Variants in CSMD3 observed in about 807,000 individuals in gnomAD.
CSMD3 encodes the protein CUB and sushi domain-containing protein 3.
CSMD3 carries 177 observed loss-of-function variants against 435.2 expected under a neutral mutation model. The observed-to-expected ratio is 0.41, with a 90% CI of 0.36 to 0.46. The LOEUF is 0.46. Ranked by LOEUF, CSMD3 falls within the 20% of genes least tolerant of loss-of-function variation. The pLI is 0.34. For synonymous variants in CSMD3, 1,656 were observed against 1,520.5 expected (o/e 1.09, Z -2.07); for missense variants, 4,265 against 4,504.6 (o/e 0.95, Z 1.52).
At chr8:112,529,144 C>G (rs1586608243) in intron 27 of CSMD3, among the ~76,000 whole-genome samples, 1 of 152,104 alleles carries the variant, frequency 6.6e-6, no homozygotes, top group East Asian at 1.9e-4. Flanking sequence ...ATCTAAGCAT[C>G]CAATGCCCCA....
At chr8:112,424,474 T>A (rs752129170) in intron 32 of CSMD3, among the ~76,000 whole-genome samples, 11 of 152,184 alleles carry the variant, frequency 7.2e-5, no homozygotes, top group Non-Finnish European at 1.6e-4. Context: ...CCATGGTAAC[T>A]CACTTCAAAA....
chr8:113,030,417 TAA>T (rs35890606), intron 5 of CSMD3, among the ~76,000 whole-genome samples: 15 of 24,356 alleles, frequency 6.2e-4, no homozygotes, highest in Non-Finnish European at 7.5e-4. Flanking sequence ...TTGGTACTGG[TAA>T]AAAAAAAAAA....
chr8:113,234,128 T>A (rs2093121428), intron 3 of CSMD3, among the ~76,000 whole-genome samples: 1 of 152,136 alleles, frequency 6.6e-6, no homozygotes, highest in Admixed American at 6.6e-5. Context: ...GTCAATGTTG[T>A]TGCTCAGAAG....
intron 38 of CSMD3, among the ~76,000 whole-genome samples, chr8:112,370,395 A>C (rs2131175419): frequency 6.6e-6 from 1 of 152,366 alleles, no homozygotes; most frequent in African/African-American, 2.4e-5. Context: ...AATACCTTGT[A>C]AATCAGAGCA....
At chr8:113,279,112 A>G (rs2093593648) in intron 2 of CSMD3, among the ~76,000 whole-genome samples, 1 of 151,520 alleles carries the variant, frequency 6.6e-6, no homozygotes, top group Middle Eastern at 3.2e-3. Flanking sequence ...TAAAATGAGT[A>G]CATTCAGAAC....
At chr8:113,083,465 C>T (rs1032764626) in intron 5 of CSMD3, among the ~76,000 whole-genome samples, 1 of 151,904 alleles carries the variant, frequency 6.6e-6, no homozygotes, top group African/African-American at 2.4e-5. Flanking sequence ...CAAGCAGAAA[C>T]TCAGGAAATT....
chr8:113,061,072 T>C (rs2088592172), intron 5 of CSMD3, among the ~76,000 whole-genome samples: 1 of 152,110 alleles, frequency 6.6e-6, no homozygotes, highest in African/African-American at 2.4e-5. Context: ...TTGTCATCCT[T>C]CTTAGCTTCT....
At chr8:112,834,437 A>G (rs2079965673) in intron 11 of CSMD3, among the ~76,000 whole-genome samples, 1 of 151,864 alleles carries the variant, frequency 6.6e-6, no homozygotes, top group African/African-American at 2.4e-5. Flanking sequence ...ATTTGAAGCC[A>G]TTAATATAAG....
At chr8:113,300,523 T>C (rs1216329427) in intron 2 of CSMD3, among the ~76,000 whole-genome samples, 1 of 152,152 alleles carries the variant, frequency 6.6e-6, no homozygotes, top group Admixed American at 6.6e-5. Context: ...AAGAATGAAA[T>C]CATGTTCTTT....
chr8:112,371,528 C>T (rs1462860799), intron 38 of CSMD3, among the ~76,000 whole-genome samples: 1 of 152,080 alleles, frequency 6.6e-6, no homozygotes, highest in East Asian at 1.9e-4. Context: ...TGACTTCCAG[C>T]CCCCAGTCTT....
intron 13 of CSMD3, among the ~76,000 whole-genome samples, chr8:112,747,657 G>C (rs1292138529): frequency 1.3e-5 from 2 of 152,092 alleles, no homozygotes; most frequent in Non-Finnish European, 2.9e-5. Flanking sequence ...AATAAACATG[G>C]CTGTGTCTCT....
intron 32 of CSMD3, among the ~76,000 whole-genome samples, chr8:112,413,596 C>T (rs1251701517): frequency 1.3e-5 from 2 of 152,150 alleles, no homozygotes; most frequent in African/African-American, 2.4e-5. Context: ...ACCCTGAAAG[C>T]ATCACTGTGG....
chr8:112,794,503 C>T (rs1260559391), intron 13 of CSMD3, among the ~76,000 whole-genome samples: 1 of 151,770 alleles, frequency 6.6e-6, no homozygotes, highest in Non-Finnish European at 1.5e-5. Context: ...CCATGTTGGC[C>T]AGGCTGGTCT....
intron 22 of CSMD3, among the ~76,000 whole-genome samples, chr8:112,595,235 C>T (rs1482288621): frequency 1.1e-4 from 16 of 151,570 alleles, no homozygotes; most frequent in South Asian, 4.2e-4. Context: ...CCTCAGGAGT[C>T]GATGCGATCA....
intron 10 of CSMD3, among the ~76,000 whole-genome samples, chr8:112,881,627 G>A (rs1380140): frequency 0.75 from 113,847 of 151,888 alleles, 43,462 homozygotes; most frequent in East Asian, 0.93. Context: ...TTATTTTACT[G>A]AAGGGCTTAA....
At chr8:112,435,603 T>C (rs1283922329) in intron 32 of CSMD3, among the ~76,000 whole-genome samples, 1 of 152,074 alleles carries the variant, frequency 6.6e-6, no homozygotes, top group East Asian at 1.9e-4. Flanking sequence ...TGGAAACTAA[T>C]GAACTTGGGT....
At chr8:112,644,499 T>C (rs1227884585) in intron 20 of CSMD3, among the ~76,000 whole-genome samples, 1 of 152,052 alleles carries the variant, frequency 6.6e-6, no homozygotes, top group East Asian at 1.9e-4. Flanking sequence ...GAATGAACCA[T>C]GTTTAATACT....
chr8:112,823,396 C>A (rs187773829), intron 12 of CSMD3, among the ~76,000 whole-genome samples: 1 of 152,192 alleles, frequency 6.6e-6, no homozygotes, highest in African/African-American at 2.4e-5. Context: ...TTTTCCATTT[C>A]TTTTAATTGT....
intron 49 of CSMD3, among the ~76,000 whole-genome samples, chr8:112,311,928 G>A (rs1822011373): frequency 1.3e-5 from 2 of 152,078 alleles, no homozygotes; most frequent in Non-Finnish European, 2.9e-5. Context: ...GTCATAACCT[G>A]TCATTTCTAA....
Sources: allele counts gnomAD v4.1 joint callset (sites outside exome capture counted in the v4.1 genomes callset), GRCh38; gene constraint gnomAD v4.1.1; transcripts MANE v1.5; gene names NCBI Gene and HGNC (gene_info 2026-07-23, HGNC 2026-07-21).